ABTB2: variants seen among roughly 807,000 people sequenced by gnomAD.
The protein encoded by ABTB2 is ankyrin repeat and BTB/POZ domain-containing protein 2.
In ABTB2, 56 loss-of-function variants were observed where a neutral mutation model predicts 104.1. The ratio of observed to expected loss-of-function variants is 0.54; its 90% CI spans 0.43 to 0.67. ABTB2 has a LOEUF of 0.67. ABTB2 is among the 30% of genes least tolerant of loss of function. The probability of loss-of-function intolerance (pLI) is 0.00; values close to 1 mark genes in which losing one functional copy is unlikely to be tolerated. For missense variants in ABTB2, 1,279 were observed against 1,407.7 expected (o/e 0.91, Z 1.46); for synonymous variants, 606 against 608.2 (o/e 1.00, Z 0.05).
chr11:34,152,622 T>C (rs1213862608), intron 16 of ABTB2, 38 bp from the exon 17 acceptor site: 16 of 1,574,122 alleles, frequency 1.0e-5, no homozygotes, highest in Non-Finnish European at 1.3e-5. Flanking sequence ...GCCCATCGCC[T>C]TAGTACAGCC....
In ABTB2 at chr11:34,282,591, A is replaced by G. The variant is rs1645123369; in HGVS notation, c.883+74110T>C. Among the ~76,000 whole-genome samples the G allele has an allele frequency of 2.0e-5, 3 of 151,866 alleles. No individual in the cohort carries two copies. The South Asian group carries it at 6.3e-4, about 32-fold the overall frequency. ...GCCCAGGCTGGAGTGCAGTGGCGCA[A>G]TCTTGGCTCACTGCACCCTCCACCT... On this transcript the variant is annotated intron_variant, in intron 1 of 16. Transcript: ENST00000435224.
intron 3 of ABTB2, among the ~76,000 whole-genome samples, chr11:34,191,340 G>A (rs2133032192): frequency 6.6e-6 from 1 of 152,330 alleles, no homozygotes; most frequent in Non-Finnish European, 1.5e-5. Context: ...CACGTTCGCT[G>A]GCTCCAGCTC....
intron 1 of ABTB2, among the ~76,000 whole-genome samples, chr11:34,262,617 T>C (rs1854201142): frequency 6.6e-6 from 1 of 152,176 alleles, no homozygotes; most frequent in Non-Finnish European, 1.5e-5. Context: ...TTTTTCTTCC[T>C]CCATTAGCCT....
intron 6 of ABTB2, 46 bp downstream of exon 6, chr11:34,167,857 C>G: frequency 6.3e-7 from 1 of 1,593,604 alleles, no homozygotes. Flanking sequence ...TCGGAGTGAT[C>G]CCTGCTGGCC....
intron 1 of ABTB2, among the ~76,000 whole-genome samples, chr11:34,293,255 G>T (rs533328180): frequency 6.6e-6 from 1 of 151,522 alleles, no homozygotes; most frequent in Non-Finnish European, 1.5e-5. Context: ...CAGGGGAGGT[G>T]AGACTAGGAC....
intron 1 of ABTB2, among the ~76,000 whole-genome samples, chr11:34,310,978 C>T (rs1854845734): frequency 6.6e-6 from 1 of 152,222 alleles, no homozygotes; most frequent in Non-Finnish European, 1.5e-5. Context: ...GGATACCAGT[C>T]AGACTTGTGC....
chr11:34,315,866 G>C (rs1307873646), intron 1 of ABTB2, among the ~76,000 whole-genome samples: 2 of 152,164 alleles, frequency 1.3e-5, no homozygotes, highest in Non-Finnish European at 2.9e-5. Context: ...GTGCCAGCCA[G>C]GTGCCAGGCA....
intron 1 of ABTB2, among the ~76,000 whole-genome samples, chr11:34,270,805 C>G (rs750767373): frequency 6.6e-5 from 10 of 152,182 alleles, no homozygotes; most frequent in Non-Finnish European, 7.3e-5. Flanking sequence ...CAGGGACTCT[C>G]CCAAGTTTTA....
intron 3 of ABTB2, among the ~76,000 whole-genome samples, chr11:34,173,832 G>A (rs879392260): frequency 6.6e-6 from 1 of 152,190 alleles, no homozygotes; most frequent in Admixed American, 6.5e-5. Context: ...CATCCCCTCC[G>A]ACAAGCACAC....
intron 1 of ABTB2, among the ~76,000 whole-genome samples, chr11:34,295,400 G>A (rs1854610063): frequency 6.6e-6 from 1 of 152,172 alleles, no homozygotes; most frequent in South Asian, 2.1e-4. Flanking sequence ...TGCAGGAAGA[G>A]TGCTCTGTTT....
chr11:34,342,732 A>T (rs940000696), intron 1 of ABTB2, among the ~76,000 whole-genome samples: 14 of 152,122 alleles, frequency 9.2e-5, no homozygotes, highest in African/African-American at 3.4e-4. Context: ...CTGGGGAGGG[A>T]ACACACATGG....
chr11:34,342,882 A>C (rs970265525), intron 1 of ABTB2, among the ~76,000 whole-genome samples: 4 of 152,156 alleles, frequency 2.6e-5, no homozygotes, highest in Non-Finnish European at 4.4e-5. Context: ...TTCATTTACC[A>C]GTGGGGCAAA....
intron 3 of ABTB2, among the ~76,000 whole-genome samples, chr11:34,174,643 C>A (rs926101778): frequency 6.6e-6 from 1 of 152,276 alleles, no homozygotes; most frequent in African/African-American, 2.4e-5. Flanking sequence ...TGGCAAGGCT[C>A]CGTGTTGGAG....
rs1017322060 is a variant in ABTB2, at chr11:34,154,967, TC to T, written c.2698-199del. ...GGGAAGCCAACTCCAAGACCCTCTC[TC>T]CTGAGTCCCTGCCCGGATAACAGGC... On this transcript the variant is annotated intron_variant, in intron 14 of 16. Transcript: ENST00000435224. This position sits in a 1 kb window ranked among gnomAD's most constrained non-coding sequence, Gnocchi z 4.9. Among the ~76,000 whole-genome samples, 1 of 152,176 alleles carries T rather than the reference TC, an allele frequency of 6.6e-6. No individual in the cohort carries two copies. The highest frequency in any genetic ancestry group is 1.5e-5 in the Non-Finnish European group (1 of 68,028).
intron 1 of ABTB2, among the ~76,000 whole-genome samples, chr11:34,319,418 G>T (rs1854975682): frequency 6.6e-6 from 1 of 152,236 alleles, no homozygotes; most frequent in Non-Finnish European, 1.5e-5. Context: ...GGCAGCAGGG[G>T]AGGAGAAACC....
chr11:34,357,176 C>T lies in ABTB2; in HGVS notation c.408G>A (p.Leu136=), dbSNP rs1417591458. 2.0e-6 allele frequency: 3 copies of T among 1,506,798 alleles called. No homozygotes were observed. Among genetic ancestry groups the T allele is most frequent in the Admixed American group, 4.4e-5 (2 of 45,650 alleles). 93.3% of individuals were successfully genotyped at this position (1,506,798 alleles called of 1,614,324 possible). ...RRLAGLLRRA[L]IRVAREAQRL... ...GCTGCGCCTCGCGGGCCACGCGGAT[C>T]AGTGCCCTGCGGAGCAGCCCGGCCA... Residue 136 remains leucine, a synonymous_variant, in exon 1 of 17, where the codon CTG becomes CTA. Transcript: ENST00000435224.
chr11:34,335,575 C>T, intron 1 of ABTB2: 2 of 1,493,170 alleles, frequency 1.3e-6, no homozygotes, highest in South Asian at 2.3e-5. Flanking sequence ...TCCACTCTGG[C>T]ACTTTCAAAG....
At chr11:34,253,669 C>T (rs1854083456) in intron 1 of ABTB2, among the ~76,000 whole-genome samples, 1 of 145,244 alleles carries the variant, frequency 6.9e-6, no homozygotes. Flanking sequence ...GAGCGAGATT[C>T]CGTCTCAAAA....
rs1002503496 is a variant in ABTB2, at chr11:34,152,307, G to A, written c.*80C>T. 1 of 1,441,744 alleles carries A rather than the reference G, an allele frequency of 6.9e-7. No individual in the cohort carries two copies. The allele number at this position is 1,441,744 out of a possible 1,614,324, so 89.3% of individuals were successfully genotyped here. On this transcript the variant is annotated 3_prime_UTR_variant, in exon 17 of 17. Coordinates refer to ENST00000435224, the MANE Select transcript of ABTB2 (RefSeq NM_145804.3). ...AACAGCCCCGTGAACCTGGCTCCAAGAGGGCCTACAACCATACCCCGACAT... is the reference window on the plus strand; with the variant it reads ...AACAGCCCCGTGAACCTGGCTCCAAAAGGGCCTACAACCATACCCCGACAT...
Sources: gnomAD v4.1 joint callset for allele counts (sites outside exome capture counted in the v4.1 genomes callset) on GRCh38, gnomAD v4.1.1 for gene constraint, Gnocchi (gnomAD v3.1) non-coding constraint, MANE v1.5 for transcripts, NCBI Gene and HGNC (gene_info 2026-07-23, HGNC 2026-07-21) for gene names.